The following TENM2 variants were observed in gnomAD, a reference collection of about 807,000 sequenced individuals.
TENM2 encodes the protein teneurin transmembrane protein 2, also known as teneurin-2.
In TENM2, 52 loss-of-function variants were observed where a neutral mutation model predicts 245.2. That is an observed-to-expected ratio of 0.21 (90% CI 0.17 to 0.27). The LOEUF (loss-of-function observed/expected upper bound fraction) is 0.27. Among genes scored for constraint, TENM2 ranks in the 10% least tolerant of loss-of-function variants. The probability of loss-of-function intolerance (pLI) is 1.00; values close to 1 mark genes in which losing one functional copy is unlikely to be tolerated. For missense variants in TENM2, 3,046 were observed against 3,666.8 expected, an observed-to-expected ratio of 0.83 and a Z score of 4.37; for synonymous variants, 1,363 against 1,438.9, an observed-to-expected ratio of 0.95 and a Z score of 1.19.
chr5:167,890,676 G>A (rs1177992986), intron 3 of TENM2, among the ~76,000 whole-genome samples: 2 of 152,084 alleles, frequency 1.3e-5, no homozygotes, highest in East Asian at 1.9e-4. Context: ...GAGACTGCCC[G>A]TTTGAGATCA....
chr5:168,006,034 C>G (rs1414913906), intron 5 of TENM2, among the ~76,000 whole-genome samples: 1 of 152,234 alleles, frequency 6.6e-6, no homozygotes, highest in East Asian at 1.9e-4. Context: ...AACCACATGC[C>G]CATCACTGGC....
intron 2 of TENM2, among the ~76,000 whole-genome samples, chr5:167,718,393 T>C (rs1759407319): frequency 6.6e-6 from 1 of 152,058 alleles, no homozygotes. Flanking sequence ...ACAACTTCCC[T>C]GTAGCTCAGT....
chr5:167,722,634 C>T (rs1385045765), intron 2 of TENM2, among the ~76,000 whole-genome samples: 4 of 151,878 alleles, frequency 2.6e-5, no homozygotes, highest in African/African-American at 7.3e-5. Context: ...ATTAGCTGGG[C>T]GTGGAGGTGC....
intron 2 of TENM2, among the ~76,000 whole-genome samples, chr5:167,456,716 G>A (rs1765946307): frequency 6.6e-6 from 1 of 151,994 alleles, no homozygotes; most frequent in Admixed American, 6.6e-5. Context: ...TTCTAATTTC[G>A]ACTTAATATA....
the TENM2 span, among the ~76,000 whole-genome samples, chr5:167,131,885 C>T: frequency 3.3e-5 from 5 of 152,050 alleles, no homozygotes; most frequent in African/African-American, 7.3e-5. Context: ...TGCAATGGTG[C>T]GATCTCAGCT....
At chr5:167,174,276 T>C in the TENM2 span, among the ~76,000 whole-genome samples, 22,481 of 152,144 alleles carry the variant, frequency 0.15, 4,654 homozygotes, top group African/African-American at 0.45. Context: ...AAGATTAATG[T>C]ACCTTCAGCT....
At chr5:167,971,447 T>C (rs1441137683) in intron 4 of TENM2, among the ~76,000 whole-genome samples, 2 of 152,096 alleles carry the variant, frequency 1.3e-5, no homozygotes, top group Non-Finnish European at 2.9e-5. Context: ...ACACCTGTAA[T>C]CCCAGAACTT....
At chr5:167,244,305 A>G in the TENM2 span, among the ~76,000 whole-genome samples, 3,497 of 152,280 alleles carry the variant, frequency 0.023, 127 homozygotes, top group African/African-American at 0.079. Context: ...CCAAATGTGG[A>G]AAAAACAATG....
intron 2 of TENM2, among the ~76,000 whole-genome samples, chr5:167,571,109 A>T (rs75499943): frequency 0.032 from 4,840 of 152,290 alleles, 208 homozygotes; most frequent in African/African-American, 0.097. Flanking sequence ...ATCCATTTTT[A>T]AAATTTTAAA....
chr5:167,500,102 G>T (rs1355125529), intron 2 of TENM2, among the ~76,000 whole-genome samples: 2 of 151,654 alleles, frequency 1.3e-5, no homozygotes, highest in East Asian at 1.9e-4. Flanking sequence ...CAAGATGTGG[G>T]TGTAAATATA....
At chr5:167,183,400 T>C in the TENM2 span, among the ~76,000 whole-genome samples, 1 of 152,180 alleles carries the variant, frequency 6.6e-6, no homozygotes, top group East Asian at 1.9e-4. Flanking sequence ...CATATTTACA[T>C]ACCAGGAACA....
upstream of TENM2, among the ~76,000 whole-genome samples, chr5:167,283,106 A>G (rs182376658): frequency 1.7e-3 from 254 of 151,818 alleles, 1 homozygote; most frequent in African/African-American, 5.5e-3. Context: ...GTGCAATGGC[A>G]GATCTCAGCT....
chr5:167,694,982 G>A (rs1392862498), intron 2 of TENM2, among the ~76,000 whole-genome samples: 1 of 152,186 alleles, frequency 6.6e-6, no homozygotes, highest in Non-Finnish European at 1.5e-5. Context: ...GATGTATCCT[G>A]TATATTCTCA....
At chr5:167,445,939 A>G (rs2127467138) in intron 2 of TENM2, among the ~76,000 whole-genome samples, 1 of 152,230 alleles carries the variant, frequency 6.6e-6, no homozygotes, top group Non-Finnish European at 1.5e-5. Context: ...GCTAATTGCC[A>G]TGGCTAAATG....
chr5:168,230,486 G>C (rs1764760392), intron 25 of TENM2, among the ~76,000 whole-genome samples: 1 of 152,192 alleles, frequency 6.6e-6, no homozygotes, highest in Admixed American at 6.5e-5. Flanking sequence ...GTGTGATGTG[G>C]ATTGAGGGAA....
the TENM2 span, among the ~76,000 whole-genome samples, chr5:167,109,435 T>C: frequency 2.6e-5 from 4 of 152,280 alleles, no homozygotes; most frequent in East Asian, 3.9e-4. Context: ...AGAAAGTTGA[T>C]ATTTTATTTA....
chr5:167,354,727 G>A (rs1461094821), intron 1 of TENM2, among the ~76,000 whole-genome samples: 1 of 152,152 alleles, frequency 6.6e-6, no homozygotes, highest in East Asian at 1.9e-4. Flanking sequence ...TTTCTTTTGA[G>A]CTGTATGCCT....
intron 4 of TENM2, among the ~76,000 whole-genome samples, chr5:167,980,256 A>T (rs1046178349): frequency 2.0e-5 from 3 of 152,180 alleles, no homozygotes; most frequent in Admixed American, 6.5e-5. Context: ...GGGCCTTTGT[A>T]TTCCACCCCC....
At chr5:167,597,741 A>G (rs554895957) in intron 2 of TENM2, among the ~76,000 whole-genome samples, 1,252 of 105,352 alleles carry the variant, frequency 0.012, 15 homozygotes, top group African/African-American at 0.03. Context: ...TCTTACTTTC[A>G]AACTTATATA....
Sources: gnomAD v4.1 joint callset for allele counts (sites outside exome capture counted in the v4.1 genomes callset) on GRCh38, gnomAD v4.1.1 for gene constraint, MANE v1.5 for transcripts, NCBI Gene and HGNC (gene_info 2026-07-23, HGNC 2026-07-21) for gene names.